SORCS2: variants seen among roughly 807,000 people sequenced by gnomAD.
SORCS2 encodes the protein VPS10 domain-containing receptor SorCS2.
Under a neutral mutation model 141.6 loss-of-function variants are expected in SORCS2, and 100 were observed. The observed-to-expected ratio is 0.71, with a 90% CI of 0.60 to 0.83. The LOEUF (loss-of-function observed/expected upper bound fraction) is 0.83, where lower values mean the gene tolerates loss of function less well. Ranked by LOEUF, SORCS2 falls within the 40% of genes least tolerant of loss-of-function variation. The pLI, the probability that SORCS2 is intolerant of heterozygous loss-of-function variation, is 0.00. For missense variants in SORCS2, 1,646 were observed against 1,560.2 expected (o/e 1.05, Z -0.93); for synonymous variants, 789 against 676.9 (o/e 1.17, Z -2.57).
At chr4:7,592,278 T>A (rs773850621) in intron 3 of SORCS2, among the ~76,000 whole-genome samples, 1 of 152,178 alleles carries the variant, frequency 6.6e-6, no homozygotes, top group African/African-American at 2.4e-5. Context: ...AAATCCAGGC[T>A]GGATCTGGGC....
intron 3 of SORCS2, among the ~76,000 whole-genome samples, chr4:7,630,127 C>T (rs1719786998): frequency 6.6e-6 from 1 of 152,140 alleles, no homozygotes; most frequent in South Asian, 2.1e-4. Flanking sequence ...AGGCATCTGG[C>T]AAAGTGAGGC....
At chr4:7,550,775 CCAAA>C (rs1425547247) in intron 3 of SORCS2, among the ~76,000 whole-genome samples, 1 of 152,182 alleles carries the variant, frequency 6.6e-6, no homozygotes, top group African/African-American at 2.4e-5. Flanking sequence ...AGTCATTTTA[CCAAA>C]CAAAGTGGGG....
intron 1 of SORCS2, among the ~76,000 whole-genome samples, chr4:7,372,837 C>T (rs536567473): frequency 6.6e-6 from 1 of 152,034 alleles, no homozygotes; most frequent in African/African-American, 2.4e-5. Context: ...ACCTTCCGGG[C>T]CTGGCTGCTT....
At chr4:7,670,969 G>C (rs1006928391) in intron 8 of SORCS2, among the ~76,000 whole-genome samples, 2 of 152,312 alleles carry the variant, frequency 1.3e-5, no homozygotes, top group African/African-American at 4.8e-5. Flanking sequence ...AGATTTAAAG[G>C]GTTACAGCCT....
At chr4:7,674,831 A>G (rs924455788) in intron 8 of SORCS2, among the ~76,000 whole-genome samples, 3 of 149,046 alleles carry the variant, frequency 2.0e-5, no homozygotes, top group South Asian at 4.2e-4. Flanking sequence ...GCCCTTCCCT[A>G]GGCCCTCCTA....
chr4:7,215,027 G>A (rs902261001), intron 1 of SORCS2, among the ~76,000 whole-genome samples: 13 of 152,252 alleles, frequency 8.5e-5, no homozygotes, highest in Middle Eastern at 3.4e-3. Context: ...CCACTTTGGC[G>A]GCACTTGAGG....
chr4:7,424,352 T>C (rs898250966), intron 2 of SORCS2, among the ~76,000 whole-genome samples: 1 of 152,166 alleles, frequency 6.6e-6, no homozygotes, highest in African/African-American at 2.4e-5. Context: ...GCAAGCTCTG[T>C]CTCCAGCCTG....
At chr4:7,661,616 G>C (rs147265880) in intron 6 of SORCS2, 52 bp downstream of exon 6, 1 of 1,513,966 alleles carries the variant, frequency 6.6e-7, no homozygotes, top group African/African-American at 1.4e-5. Flanking sequence ...CCTCGCACCC[G>C]ACACAGCTCG....
rs758389348 is a variant in SORCS2 at position 7,406,822 on chromosome 4, C to T, written c.548+10467C>T. On this transcript the variant is annotated intron_variant, in intron 2 of 26. Transcript: ENST00000507866. ...GATTTTTTAAAGTTTATGTTTATTG[C>T]TATAAACTTTCCTCTTCGTATTTCC... 1.8e-3 allele frequency among the ~76,000 whole-genome samples: 266 copies of T among 151,774 alleles called. 9 individuals are homozygous for T. Among genetic ancestry groups the T allele is most frequent in the Non-Finnish European group, 4.9e-4 (33 of 67,802 alleles).
At chr4:7,476,876 C>T (rs1426258910) in intron 2 of SORCS2, among the ~76,000 whole-genome samples, 2 of 152,206 alleles carry the variant, frequency 1.3e-5, no homozygotes, top group African/African-American at 4.8e-5. Context: ...GGCAGGTCTT[C>T]CTTAGACAGC....
intron 4 of SORCS2, among the ~76,000 whole-genome samples, chr4:7,647,652 G>T (rs1314830057): frequency 6.6e-6 from 1 of 152,210 alleles, no homozygotes; most frequent in Non-Finnish European, 1.5e-5. Flanking sequence ...GGGAATAAAG[G>T]CTGTGTGAGG....
intron 3 of SORCS2, among the ~76,000 whole-genome samples, chr4:7,548,039 G>A (rs184343174): frequency 1.1e-4 from 16 of 152,262 alleles, no homozygotes; most frequent in East Asian, 7.7e-4. Context: ...AGCAATGTAG[G>A]ATCACACTCC....
chr4:7,426,958 A>T (rs1434309462), intron 2 of SORCS2, among the ~76,000 whole-genome samples: 1 of 152,146 alleles, frequency 6.6e-6, no homozygotes, highest in Admixed American at 6.5e-5. Context: ...GGCCCTGAGG[A>T]CAGGCTTCCT....
intron 1 of SORCS2, among the ~76,000 whole-genome samples, chr4:7,365,349 A>C (rs1354981977): frequency 6.6e-6 from 1 of 151,904 alleles, no homozygotes; most frequent in East Asian, 1.9e-4. Flanking sequence ...TTAGGCATGC[A>C]TGTGGGTGGG....
At chr4:7,565,675 A>G (rs900469472) in intron 3 of SORCS2, among the ~76,000 whole-genome samples, 3 of 148,404 alleles carry the variant, frequency 2.0e-5, no homozygotes, top group Non-Finnish European at 4.4e-5. Flanking sequence ...GATGCTGATG[A>G]TGTGATGATG....
chr4:7,727,632 G>T (rs1317943948), intron 21 of SORCS2, among the ~76,000 whole-genome samples: 1 of 152,200 alleles, frequency 6.6e-6, no homozygotes, highest in Non-Finnish European at 1.5e-5. Context: ...TTCATTCATT[G>T]TTGGGCTGGG....
At chr4:7,472,959 A>T (rs1249895240) in intron 2 of SORCS2, among the ~76,000 whole-genome samples, 1 of 152,030 alleles carries the variant, frequency 6.6e-6, no homozygotes, top group Admixed American at 6.5e-5. Context: ...GTTACTGTCA[A>T]TACTACATCT....
chr4:7,658,049 G>T (rs1412367433), intron 5 of SORCS2, among the ~76,000 whole-genome samples: 1 of 152,080 alleles, frequency 6.6e-6, no homozygotes, highest in Non-Finnish European at 1.5e-5. Context: ...GAGTGAATGA[G>T]TGAGTCTGAT....
chr4:7,527,915 C>A (rs990575803), intron 2 of SORCS2, among the ~76,000 whole-genome samples: 5 of 152,228 alleles, frequency 3.3e-5, no homozygotes, highest in African/African-American at 1.2e-4. Flanking sequence ...GAGGATGGCA[C>A]CTGGACCCCC....
Sources: allele counts gnomAD v4.1 joint callset (sites outside exome capture counted in the v4.1 genomes callset), GRCh38; gene constraint gnomAD v4.1.1; transcripts MANE v1.5; gene names NCBI Gene and HGNC (gene_info 2026-07-23, HGNC 2026-07-21).